The following P3H2 variants were observed in gnomAD, a reference collection of about 807,000 sequenced individuals.
P3H2 encodes the protein leprecan-like 1.
A neutral mutation model predicts 87.0 loss-of-function variants in P3H2; 80 were observed. The observed-to-expected ratio is 0.92, with a 90% CI of 0.77 to 1.11. The LOEUF (loss-of-function observed/expected upper bound fraction) is 1.11. P3H2 is among the 50% of genes least tolerant of loss of function. The pLI is 0.00. For missense variants in P3H2, 1,001 were observed against 923.9 expected, an observed-to-expected ratio of 1.08 and a Z score of -1.08; for synonymous variants, 367 against 359.3, an observed-to-expected ratio of 1.02 and a Z score of -0.24.
chr3:190,018,788 G>C (rs946302335), intron 1 of P3H2, among the ~76,000 whole-genome samples: 5 of 152,168 alleles, frequency 3.3e-5, no homozygotes, highest in Admixed American at 3.3e-4. Flanking sequence ...GCATAAGAGG[G>C]AATGAACTGT....
At chr3:190,025,890 A>G (rs1221065750) in intron 1 of P3H2, among the ~76,000 whole-genome samples, 2 of 152,184 alleles carry the variant, frequency 1.3e-5, no homozygotes, top group Admixed American at 6.5e-5. Flanking sequence ...TGAAAAGCTA[A>G]TTTTAGAAAT....
chr3:189,982,724 CAG>C (rs1365517798), intron 8 of P3H2, among the ~76,000 whole-genome samples: 3 of 152,150 alleles, frequency 2.0e-5, no homozygotes, highest in Non-Finnish European at 2.9e-5. Flanking sequence ...GACTGTGTAA[CAG>C]AAGTAAACCA....
intron 1 of P3H2, among the ~76,000 whole-genome samples, chr3:190,027,019 T>C (rs1056062868): frequency 2.6e-5 from 4 of 152,228 alleles, no homozygotes; most frequent in Admixed American, 1.3e-4. Flanking sequence ...AGCACTGTTT[T>C]AGGTGATTTC....
intron 1 of P3H2, among the ~76,000 whole-genome samples, chr3:190,051,107 T>C (rs1051759571): frequency 6.6e-6 from 1 of 152,210 alleles, no homozygotes; most frequent in African/African-American, 2.4e-5. Flanking sequence ...TGTATCATCA[T>C]GTAATTTGAT....
chr3:190,108,070 G>A (rs1388748158), intron 1 of P3H2, among the ~76,000 whole-genome samples: 2 of 151,800 alleles, frequency 1.3e-5, no homozygotes, highest in African/African-American at 4.8e-5. Flanking sequence ...ACCTCCCAAA[G>A]TGTTGGGATT....
chr3:189,978,226 T>C (rs1396867614), intron 8 of P3H2, among the ~76,000 whole-genome samples: 1 of 152,254 alleles, frequency 6.6e-6, no homozygotes, highest in Non-Finnish European at 1.5e-5. Flanking sequence ...TCTCTTTTTC[T>C]ACATTGAAGA....
At chr3:189,966,069 AGAAG>A (rs1722969526) in intron 13 of P3H2, among the ~76,000 whole-genome samples, 1 of 145,860 alleles carries the variant, frequency 6.9e-6, no homozygotes, top group African/African-American at 2.6e-5. Flanking sequence ...AGAAAGAGAA[AGAAG>A]GAAAGAAAGG....
At chr3:190,042,932 A>C (rs1234117854) in intron 1 of P3H2, among the ~76,000 whole-genome samples, 1 of 152,206 alleles carries the variant, frequency 6.6e-6, no homozygotes, top group Non-Finnish European at 1.5e-5. Context: ...AACGCTGAAA[A>C]TGAAGGCAGA....
chr3:190,031,113 TA>T (rs1725237935), intron 1 of P3H2, among the ~76,000 whole-genome samples: 1 of 152,052 alleles, frequency 6.6e-6, no homozygotes, highest in Non-Finnish European at 1.5e-5. Context: ...TAAAATAAAC[TA>T]AAAATGAATT....
At chr3:190,085,703 G>A (rs982842108) in intron 1 of P3H2, among the ~76,000 whole-genome samples, 2 of 152,032 alleles carry the variant, frequency 1.3e-5, no homozygotes, top group African/African-American at 4.8e-5. Flanking sequence ...TAATATTTAT[G>A]TACAAAAGTG....
chr3:189,961,633 T>C lies in P3H2; in HGVS notation c.2034+2325A>G, dbSNP rs57334914. Among the ~76,000 whole-genome samples, 1,231 of 152,264 alleles carry C rather than the reference T, an allele frequency of 8.1e-3. 17 individuals are homozygous for C. The highest frequency in any genetic ancestry group is 0.029 in the African/African-American group (1,192 of 41,544). On this transcript the variant is annotated intron_variant, in intron 14 of 14. Coordinates refer to ENST00000319332, the MANE Select transcript of P3H2 (RefSeq NM_018192.4). ...CACAGATGTTAGTAGTTTGTAACGA[T>C]CAATAGATGATCTCCACGTGTAGCA...
chr3:190,069,911 T>A (rs1012496679), intron 1 of P3H2, among the ~76,000 whole-genome samples: 1 of 151,284 alleles, frequency 6.6e-6, no homozygotes, highest in East Asian at 1.9e-4. Flanking sequence ...AAATTGGGGG[T>A]AAAGCTAGCC....
At chr3:190,102,944 G>A (rs143148377) in intron 1 of P3H2, among the ~76,000 whole-genome samples, 1 of 152,262 alleles carries the variant, frequency 6.6e-6, no homozygotes, top group East Asian at 1.9e-4. Flanking sequence ...AGGAAAGACT[G>A]TCCACCAGCA....
At chr3:189,992,124 C>T (rs536925512) in intron 3 of P3H2, among the ~76,000 whole-genome samples, 6 of 152,120 alleles carry the variant, frequency 3.9e-5, no homozygotes, top group East Asian at 1.9e-4. Flanking sequence ...GATGGAGTTT[C>T]GCTCTTATTG....
intron 1 of P3H2, among the ~76,000 whole-genome samples, chr3:190,002,405 TC>T (rs1460433981): frequency 2.4e-4 from 36 of 151,020 alleles, no homozygotes; most frequent in African/African-American, 8.6e-4. Flanking sequence ...TTTTTTCTTT[TC>T]TTTTTTTTTT....
chr3:190,059,263 T>C (rs1385954773), intron 1 of P3H2, among the ~76,000 whole-genome samples: 1 of 152,004 alleles, frequency 6.6e-6, no homozygotes, highest in Non-Finnish European at 1.5e-5. Flanking sequence ...GTTTCTTGAG[T>C]AGCAGGTCTG....
chr3:190,011,060 A>C (rs953865781), intron 1 of P3H2, among the ~76,000 whole-genome samples: 7 of 152,182 alleles, frequency 4.6e-5, no homozygotes, highest in African/African-American at 1.7e-4. Flanking sequence ...TCAGGAGGTC[A>C]AGAGATTGAG....
intron 1 of P3H2, among the ~76,000 whole-genome samples, chr3:190,067,015 T>TGTTG (rs1042298544): frequency 6.6e-6 from 1 of 151,186 alleles, no homozygotes; most frequent in African/African-American, 2.4e-5. Flanking sequence ...TTCTTTCTTT[T>TGTTG]TTTTTTTTTT....
intron 1 of P3H2, among the ~76,000 whole-genome samples, chr3:190,105,684 T>G (rs140896953): frequency 4.6e-5 from 7 of 152,348 alleles, no homozygotes; most frequent in African/African-American, 1.7e-4. Flanking sequence ...TTCCATTATT[T>G]TATAATCTCA....
Sources: allele counts gnomAD v4.1 joint callset (sites outside exome capture counted in the v4.1 genomes callset), GRCh38; gene constraint gnomAD v4.1.1; transcripts MANE v1.5; gene names NCBI Gene and HGNC (gene_info 2026-07-23, HGNC 2026-07-21).